Variants in RGSL1 observed in about 807,000 individuals in gnomAD.
RGSL1 encodes regulator of G protein signaling protein-like.
RGSL1 carries 97 observed loss-of-function variants against 124.7 expected under a neutral mutation model. The ratio of observed to expected loss-of-function variants is 0.78; its 90% CI spans 0.66 to 0.92. RGSL1 has a LOEUF of 0.92. RGSL1 is among the 40% of genes least tolerant of loss of function. The pLI, the probability that RGSL1 is intolerant of heterozygous loss-of-function variation, is 0.00. For synonymous variants in RGSL1, 424 were observed against 438.1 expected (o/e 0.97, Z 0.40); for missense variants, 1,233 against 1,288.4 (o/e 0.96, Z 0.66).
intron 18 of RGSL1, 119 bp from the exon 19 acceptor site, chr1:182,553,336 A>T: frequency 1.4e-6 from 1 of 715,744 alleles, no homozygotes; most frequent in Non-Finnish European, 2.4e-6. Flanking sequence ...ATAATGTTTT[A>T]TCATTAACAT....
At chr1:182,539,612 C>T (rs1022426766) in intron 14 of RGSL1, among the ~76,000 whole-genome samples, 1 of 152,174 alleles carries the variant, frequency 6.6e-6, no homozygotes, top group African/African-American at 2.4e-5. Flanking sequence ...GTCCATTTGT[C>T]AGATCCAGCC....
In RGSL1 at chr1:182,463,472, A is replaced by G. The variant is rs113291208; in HGVS notation, c.301+3339A>G. On this transcript the variant is annotated intron_variant, in intron 4 of 21. Coordinates refer to ENST00000294854, the MANE Select transcript of RGSL1 (RefSeq NM_001137669.2). The stretch of plus-strand genomic sequence containing the variant: ...AATGAATGGATGGAAAAAATATTCC[A>G]TGTAAATAGTAACCAAAAGAAAGCA... Among the ~76,000 whole-genome samples, 150 of 152,322 alleles carry G rather than the reference A, an allele frequency of 9.8e-4. 1 individual carries two copies. Among genetic ancestry groups the G allele is most frequent in the Non-Finnish European group, 1.8e-3 (124 of 68,016 alleles).
intron 14 of RGSL1, 144 bp downstream of exon 14, chr1:182,532,935 G>A: frequency 1.2e-6 from 1 of 838,452 alleles, no homozygotes; most frequent in Non-Finnish European, 1.8e-6. Context: ...TGCAAAGCCA[G>A]GCCCAGGCCT....
intron 4 of RGSL1, among the ~76,000 whole-genome samples, chr1:182,463,622 G>A (rs895560529): frequency 6.6e-6 from 1 of 152,102 alleles, no homozygotes; most frequent in Non-Finnish European, 1.5e-5. Flanking sequence ...AAGAGACAAA[G>A]AAGGACATTA....
At chr1:182,557,517 G>GA (rs1660930916) in intron 21 of RGSL1, among the ~76,000 whole-genome samples, 1 of 152,194 alleles carries the variant, frequency 6.6e-6, no homozygotes, top group African/African-American at 2.4e-5. Context: ...GTCACATACT[G>GA]AAATACACTC....
intron 9 of RGSL1, among the ~76,000 whole-genome samples, chr1:182,496,460 A>C (rs1571571100): frequency 6.6e-6 from 1 of 152,356 alleles, no homozygotes; most frequent in Admixed American, 6.5e-5. Context: ...GCTCAATAGC[A>C]CATTGAAGTA....
At chr1:182,557,191 G>C (rs1279747781) in intron 21 of RGSL1, among the ~76,000 whole-genome samples, 2 of 152,124 alleles carry the variant, frequency 1.3e-5, no homozygotes, top group Non-Finnish European at 2.9e-5. Context: ...CTGGGAGAAG[G>C]CCCAGCAAGA....
Position 182,540,295 on chromosome 1 carries a change from C to A in RGSL1, c.2543C>A (p.Thr848Lys). ...TCGGGACGTTCAGCTCCACCCTCCA[C>A]AAATGTCCGGAGTGCAGACCAAGAG... Reference protein sequence around the residue: ...NTSGRSAPPSTNVRSADQENG... With the variant: ...NTSGRSAPPSKNVRSADQENG... Residue 848 changes from threonine to lysine, a missense_variant, in exon 15 of 22, where the codon ACA becomes AAA. Coordinates refer to ENST00000294854, the MANE Select transcript of RGSL1 (RefSeq NM_001137669.2). 6.4e-7 allele frequency: 1 copy of A among 1,551,594 alleles called. No individual in the cohort carries two copies. Among genetic ancestry groups the A allele is most frequent in the Non-Finnish European group, 8.7e-7 (1 of 1,146,836 alleles).
chr1:182,558,594 C>T (rs1311392501), intron 21 of RGSL1, among the ~76,000 whole-genome samples: 1 of 152,120 alleles, frequency 6.6e-6, no homozygotes, highest in African/African-American at 2.4e-5. Context: ...GGATGGAGGT[C>T]TCACTTCCTT....
chr1:182,498,800 G>GTT (rs56852866), intron 9 of RGSL1, among the ~76,000 whole-genome samples: 2 of 148,282 alleles, frequency 1.3e-5, no homozygotes, highest in Non-Finnish European at 3.0e-5. Flanking sequence ...TTGTTTGTTT[G>GTT]TTTTTTTTTG....
At chr1:182,556,957 T>C (rs553874547) in intron 21 of RGSL1, among the ~76,000 whole-genome samples, 1 of 152,318 alleles carries the variant, frequency 6.6e-6, no homozygotes, top group East Asian at 1.9e-4. Context: ...TTTTGGAGAA[T>C]ACTTTCAAAT....
intron 6 of RGSL1, among the ~76,000 whole-genome samples, chr1:182,485,598 G>A (rs1655040194): frequency 6.6e-6 from 1 of 152,102 alleles, no homozygotes; most frequent in Non-Finnish European, 1.5e-5. Context: ...CTTAGAATAG[G>A]TCATTAGAGA....
intron 18 of RGSL1, 49 bp downstream of exon 18, chr1:182,551,258 G>T (rs1446505127): frequency 1.4e-6 from 2 of 1,472,610 alleles, no homozygotes; most frequent in Non-Finnish European, 1.9e-6. Flanking sequence ...ACCAAGACTT[G>T]TGAAGAGAAA....
chr1:182,463,392 C>A (rs1653014298), intron 4 of RGSL1, among the ~76,000 whole-genome samples: 1 of 151,522 alleles, frequency 6.6e-6, no homozygotes, highest in Non-Finnish European at 1.5e-5. Context: ...AAAGCAAGAT[C>A]CAATTACATG....
chr1:182,472,833 T>A (rs1201153529), intron 5 of RGSL1, among the ~76,000 whole-genome samples: 1 of 152,248 alleles, frequency 6.6e-6, no homozygotes, highest in South Asian at 2.1e-4. Flanking sequence ...GAAAAGCACC[T>A]GTAACATTTA....
Position 182,458,374 on chromosome 1 carries a change from C to A in RGSL1, c.152C>A (p.Pro51Gln), listed in dbSNP as rs1652524349. Reference sequence around the variant, plus strand: ...GAAAATTCACAGTGGAGCTTGTGGCCAGAAATACCTTGTAACTTGGTGAGT... The same window carrying A: ...GAAAATTCACAGTGGAGCTTGTGGCAAGAAATACCTTGTAACTTGGTGAGT... ...TVENSQWSLW[P>Q]EIPCNLIAKY... The change falls in exon 3 of 22, where the codon CCA becomes CAA. Residue 51 changes from proline (P) to glutamine (Q), a missense_variant. Transcript: ENST00000294854. The A allele has an allele frequency of 5.2e-6, 8 of 1,551,974 alleles. No homozygotes were observed. The Middle Eastern group carries it at 6.7e-4, about 129-fold the overall frequency.
intron 9 of RGSL1, among the ~76,000 whole-genome samples, chr1:182,497,052 G>A (rs979798283): frequency 2.0e-5 from 3 of 151,924 alleles, no homozygotes; most frequent in African/African-American, 7.3e-5. Flanking sequence ...TTGATAATGT[G>A]GACTAATGTA....
chr1:182,502,537 C>G (rs918665082), intron 9 of RGSL1, among the ~76,000 whole-genome samples: 5 of 152,106 alleles, frequency 3.3e-5, no homozygotes, highest in Admixed American at 3.3e-4. Flanking sequence ...GATCATGCCA[C>G]AGTACTCCAG....
Position 182,474,074 on chromosome 1 carries a change from G to A in RGSL1, c.963G>A (p.Glu321=), listed in dbSNP as rs1481884520. The A allele has an allele frequency of 7.1e-6, 11 of 1,551,670 alleles. No individual in the cohort carries two copies. Among genetic ancestry groups the A allele is most frequent in the Non-Finnish European group, 1.7e-6 (2 of 1,147,010 alleles). ...DMHYAKISSM[E]NKAKSHLHME... ...ATTATGCAAAAATATCCAGCATGGA[G>A]AATAAAGCCAAGAGCCACCTCCACA... The change falls in exon 6 of 22, where the codon GAG becomes GAA. Residue 321 remains glutamate (E), a synonymous_variant. Coordinates refer to ENST00000294854, the MANE Select transcript of RGSL1 (RefSeq NM_001137669.2).
Sources: gnomAD v4.1 joint callset for allele counts (sites outside exome capture counted in the v4.1 genomes callset) on GRCh38, gnomAD v4.1.1 for gene constraint, MANE v1.5 for transcripts, NCBI Gene and HGNC (gene_info 2026-07-23, HGNC 2026-07-21) for gene names.